Variants in ADAMTSL1 observed in about 807,000 individuals in gnomAD.
ADAMTSL1 encodes ADAMTS-like protein 1.
In ADAMTSL1, 126 loss-of-function variants were observed where a neutral mutation model predicts 201.8. The observed-to-expected ratio is 0.62, with a 90% CI of 0.54 to 0.72. The LOEUF (loss-of-function observed/expected upper bound fraction) is 0.72, where lower values mean the gene tolerates loss of function less well. Among genes scored for constraint, ADAMTSL1 ranks in the 30% least tolerant of loss-of-function variants. The probability of loss-of-function intolerance (pLI) is 0.00; values close to 1 mark genes in which losing one functional copy is unlikely to be tolerated. For synonymous variants in ADAMTSL1, 1,121 were observed against 903.4 expected (o/e 1.24, Z -4.32); for missense variants, 2,679 against 2,277.8 (o/e 1.18, Z -3.59).
At chr9:18,462,399 A>G (rs866886321) in intron 2 of ADAMTSL1, among the ~76,000 whole-genome samples, 16 of 152,238 alleles carry the variant, frequency 1.1e-4, no homozygotes, top group Non-Finnish European at 1.8e-4. Flanking sequence ...GTGGTTAACA[A>G]AATGGAAATG....
At chr9:18,315,142 G>C (rs897937171) in intron 2 of ADAMTSL1, among the ~76,000 whole-genome samples, 3 of 152,056 alleles carry the variant, frequency 2.0e-5, no homozygotes, top group Admixed American at 1.3e-4. Context: ...GGTCCTTTTT[G>C]ACAGGGTGCT....
At chr9:18,764,327 A>T (rs1489591452) in intron 16 of ADAMTSL1, among the ~76,000 whole-genome samples, 1 of 152,144 alleles carries the variant, frequency 6.6e-6, no homozygotes, top group African/African-American at 2.4e-5. Flanking sequence ...TGATTTTGGT[A>T]TGTTGATTTT....
intron 22 of ADAMTSL1, among the ~76,000 whole-genome samples, chr9:18,828,712 T>C (rs1257337006): frequency 8.4e-6 from 1 of 118,724 alleles, no homozygotes; most frequent in Non-Finnish European, 1.8e-5. Flanking sequence ...TGTGTGTGTA[T>C]ATATATATAT....
At chr9:18,225,412 A>G (rs1050966326) in intron 2 of ADAMTSL1, among the ~76,000 whole-genome samples, 2 of 152,206 alleles carry the variant, frequency 1.3e-5, no homozygotes, top group Non-Finnish European at 2.9e-5. Flanking sequence ...TCTTGTCCTA[A>G]CAAATTTCTC....
chr9:18,743,625 C>G (rs1045405203), intron 15 of ADAMTSL1, among the ~76,000 whole-genome samples: 3 of 152,124 alleles, frequency 2.0e-5, no homozygotes, highest in African/African-American at 7.2e-5. Context: ...AACCTCACAG[C>G]GTGCAGGCAG....
chr9:18,810,925 C>CT (rs200913922), intron 20 of ADAMTSL1, among the ~76,000 whole-genome samples: 2,658 of 144,334 alleles, frequency 0.018, 39 homozygotes, highest in Non-Finnish European at 0.028. Flanking sequence ...GGAAATCAAA[C>CT]TGTAAATTTG....
At chr9:18,219,465 T>C in intron 2 of ADAMTSL1, among the ~76,000 whole-genome samples, 1 of 151,888 alleles carries the variant, frequency 6.6e-6, no homozygotes, top group East Asian at 1.9e-4. Flanking sequence ...GCCTTTCGGG[T>C]TCAAGCAATT....
intron 2 of ADAMTSL1, among the ~76,000 whole-genome samples, chr9:18,388,254 T>C (rs1837886205): frequency 6.6e-6 from 1 of 152,018 alleles, no homozygotes; most frequent in Non-Finnish European, 1.5e-5. Context: ...TTTATATCTA[T>C]TTATACTTAA....
At chr9:18,788,669 A>G (rs1203234194) in intron 19 of ADAMTSL1, among the ~76,000 whole-genome samples, 1 of 152,188 alleles carries the variant, frequency 6.6e-6, no homozygotes, top group Non-Finnish European at 1.5e-5. Flanking sequence ...AGATTCCATT[A>G]TCCTAATCTA....
At chr9:18,724,876 C>T (rs546794226) in intron 15 of ADAMTSL1, among the ~76,000 whole-genome samples, 20 of 150,912 alleles carry the variant, frequency 1.3e-4, no homozygotes, top group African/African-American at 4.6e-4. Flanking sequence ...ATTTAAATGC[C>T]AACTTAAAAC....
intron 23 of ADAMTSL1, among the ~76,000 whole-genome samples, chr9:18,863,157 GCAGGCATCTCAT>G (rs940949387): frequency 1.3e-5 from 2 of 152,166 alleles, no homozygotes; most frequent in African/African-American, 2.4e-5. Context: ...AGTATCAGGA[GCAGGCATCTCAT>G]CTTCTTCACC....
At chr9:18,018,064 C>T (rs764133597) in intron 1 of ADAMTSL1, among the ~76,000 whole-genome samples, 2 of 152,030 alleles carry the variant, frequency 1.3e-5, no homozygotes, top group African/African-American at 2.4e-5. Context: ...CTGGGTTTTA[C>T]ATTTTCAAAG....
chr9:18,442,269 C>A (rs1381157464), intron 2 of ADAMTSL1, among the ~76,000 whole-genome samples: 2 of 152,178 alleles, frequency 1.3e-5, no homozygotes, highest in African/African-American at 2.4e-5. Flanking sequence ...ATCTACATAG[C>A]AGACTCCAAT....
At chr9:18,143,966 G>T (rs1826514113) in intron 1 of ADAMTSL1, among the ~76,000 whole-genome samples, 1 of 152,222 alleles carries the variant, frequency 6.6e-6, no homozygotes, top group Admixed American at 6.5e-5. Context: ...AAAGATTTCT[G>T]GTGGGAACGT....
intron 23 of ADAMTSL1, among the ~76,000 whole-genome samples, chr9:18,861,798 C>T (rs1222934311): frequency 1.3e-5 from 2 of 152,132 alleles, no homozygotes; most frequent in Non-Finnish European, 2.9e-5. Flanking sequence ...CAGGAGCGAG[C>T]CAGCCAGATC....
At chr9:17,974,349 A>G (rs537843539) in intron 1 of ADAMTSL1, among the ~76,000 whole-genome samples, 2 of 152,166 alleles carry the variant, frequency 1.3e-5, no homozygotes, top group East Asian at 1.9e-4. Flanking sequence ...AGAAAACCCA[A>G]TCGTCTCAGC....
At chr9:18,178,990 G>C (rs1398896530) in intron 2 of ADAMTSL1, among the ~76,000 whole-genome samples, 1 of 152,242 alleles carries the variant, frequency 6.6e-6, no homozygotes, top group Non-Finnish European at 1.5e-5. Flanking sequence ...CCAAAGGAAC[G>C]CAGTTCCTCA....
intron 2 of ADAMTSL1, among the ~76,000 whole-genome samples, chr9:18,525,199 C>T (rs201576625): frequency 1.2e-4 from 18 of 152,216 alleles, no homozygotes; most frequent in African/African-American, 3.9e-4. Flanking sequence ...AATTTATCCA[C>T]TTCTTCTAGA....
intron 1 of ADAMTSL1, among the ~76,000 whole-genome samples, chr9:18,498,342 T>C (rs923246346): frequency 2.0e-5 from 3 of 150,944 alleles, no homozygotes; most frequent in Non-Finnish European, 4.4e-5. Flanking sequence ...CACCCCCTTT[T>C]TTTTTTTTTT....
Sources: allele counts gnomAD v4.1 joint callset (sites outside exome capture counted in the v4.1 genomes callset), GRCh38; gene constraint gnomAD v4.1.1; transcripts MANE v1.5; gene names NCBI Gene and HGNC (gene_info 2026-07-23, HGNC 2026-07-21).